FHIT: variants seen among roughly 807,000 people sequenced by gnomAD.
FHIT encodes the protein bis(5'-adenosyl)-triphosphatase.
Under a neutral mutation model 17.9 loss-of-function variants are expected in FHIT, and 19 were observed. The ratio of observed to expected loss-of-function variants is 1.06; its 90% confidence interval spans 0.74 to 1.56. The LOEUF (loss-of-function observed/expected upper bound fraction) is 1.56, where lower values mean the gene tolerates loss of function less well. FHIT is among the 40% of genes most tolerant of loss of function. FHIT has a pLI of 0.00. For synonymous variants in FHIT, 81 were observed against 69.7 expected (o/e 1.16, Z -0.81); for missense variants, 248 against 189.2 (o/e 1.31, Z -1.82).
At chr3:59,813,888 G>C (rs1337805922) in intron 8 of FHIT, among the ~76,000 whole-genome samples, 2 of 152,144 alleles carry the variant, frequency 1.3e-5, no homozygotes, top group African/African-American at 4.8e-5. Context: ...AAGAGTTAAT[G>C]GTGGTTTGGT....
intron 7 of FHIT, among the ~76,000 whole-genome samples, chr3:59,923,309 C>T (rs1013775412): frequency 2.0e-5 from 3 of 148,564 alleles, no homozygotes; most frequent in African/African-American, 5.0e-5. Context: ...TATCAATGTT[C>T]GGTGAGGACA....
intron 3 of FHIT, among the ~76,000 whole-genome samples, chr3:60,858,448 G>A (rs200597789): frequency 0.011 from 1,656 of 152,178 alleles, 31 homozygotes; most frequent in African/African-American, 0.038. Flanking sequence ...CTGAAAACTC[G>A]ATTAAAACAT....
chr3:60,744,253 A>C (rs1449064590), intron 4 of FHIT, among the ~76,000 whole-genome samples: 41 of 72,610 alleles, frequency 5.6e-4, no homozygotes, highest in South Asian at 6.1e-4. Flanking sequence ...ATGTAAAAAA[A>C]AAAACAAAAC....
At chr3:60,205,052 C>T (rs1013651731) in intron 5 of FHIT, among the ~76,000 whole-genome samples, 3 of 150,580 alleles carry the variant, frequency 2.0e-5, no homozygotes, top group South Asian at 2.1e-4. Context: ...GCCAATATCG[C>T]GCCACTGCTC....
chr3:59,786,680 T>TC (rs1302790598), intron 8 of FHIT, among the ~76,000 whole-genome samples: 2 of 152,250 alleles, frequency 1.3e-5, no homozygotes, highest in Admixed American at 6.5e-5. Flanking sequence ...TTCTTTTCCC[T>TC]CCTTTGCAAT....
At chr3:60,167,801 A>G (rs1014023611) in intron 5 of FHIT, among the ~76,000 whole-genome samples, 8 of 152,136 alleles carry the variant, frequency 5.3e-5, no homozygotes, top group Non-Finnish European at 1.0e-4. Flanking sequence ...TTGGGAGGCT[A>G]AGGCAGATCA....
chr3:60,324,738 CA>C (rs1485386742), intron 5 of FHIT, among the ~76,000 whole-genome samples: 1 of 152,050 alleles, frequency 6.6e-6, no homozygotes, highest in East Asian at 1.9e-4. Flanking sequence ...GAAAATTATT[CA>C]TTTGTTTTAC....
At chr3:60,917,282 A>G (rs1161042979) in intron 3 of FHIT, among the ~76,000 whole-genome samples, 1 of 152,166 alleles carries the variant, frequency 6.6e-6, no homozygotes, top group African/African-American at 2.4e-5. Flanking sequence ...ACTACTTCCT[A>G]CTTTGTGTGC....
At chr3:59,954,946 A>G (rs936750209) in intron 7 of FHIT, among the ~76,000 whole-genome samples, 1 of 152,218 alleles carries the variant, frequency 6.6e-6, no homozygotes, top group Non-Finnish European at 1.5e-5. Flanking sequence ...AATTTAAGGA[A>G]CTAAAACAAA....
chr3:61,088,785 T>C (rs548283161), intron 2 of FHIT, among the ~76,000 whole-genome samples: 35 of 152,132 alleles, frequency 2.3e-4, no homozygotes, highest in African/African-American at 8.4e-4. Flanking sequence ...AACTACAAAA[T>C]ACAGTGAATG....
At chr3:59,961,455 G>A (rs79276195) in intron 7 of FHIT, among the ~76,000 whole-genome samples, 15,669 of 152,154 alleles carry the variant, frequency 0.1, 884 homozygotes, top group Middle Eastern at 0.18. Context: ...ATCCACTGAT[G>A]TACGGGTAAA....
At chr3:59,849,363 ACT>A (rs1205254475) in intron 8 of FHIT, among the ~76,000 whole-genome samples, 1 of 151,824 alleles carries the variant, frequency 6.6e-6, no homozygotes, top group Non-Finnish European at 1.5e-5. Context: ...ACAGAATGAG[ACT>A]CTGTCACAGA....
At chr3:59,979,496 C>T (rs936606970) in intron 7 of FHIT, among the ~76,000 whole-genome samples, 1 of 152,080 alleles carries the variant, frequency 6.6e-6, no homozygotes, top group African/African-American at 2.4e-5. Context: ...TTGCAAAACA[C>T]CAGCTATGAG....
At chr3:60,860,824 GAT>G (rs1170216337) in intron 3 of FHIT, among the ~76,000 whole-genome samples, 1,978 of 5,868 alleles carry the variant, frequency 0.34, 753 homozygotes, top group South Asian at 0.88. Flanking sequence ...AGGTATATAT[GAT>G]ACATATGTAC....
intron 7 of FHIT, among the ~76,000 whole-genome samples, chr3:60,004,221 C>T (rs751467188): frequency 6.6e-6 from 1 of 152,130 alleles, no homozygotes; most frequent in Non-Finnish European, 1.5e-5. Flanking sequence ...GTAGAAATTA[C>T]AGGCTCTGAG....
chr3:60,949,050 G>C (rs1390623776), intron 3 of FHIT, among the ~76,000 whole-genome samples: 1 of 152,106 alleles, frequency 6.6e-6, no homozygotes, highest in Non-Finnish European at 1.5e-5. Context: ...GTAGGGGCCA[G>C]CTTCTCAATT....
intron 8 of FHIT, among the ~76,000 whole-genome samples, chr3:59,792,875 G>GT (rs1376490919): frequency 6.8e-6 from 1 of 147,622 alleles, no homozygotes; most frequent in Non-Finnish European, 1.5e-5. Context: ...TATTTTTTGG[G>GT]GGGGGGGGTC....
At chr3:60,754,738 G>A (rs6770159) in intron 4 of FHIT, among the ~76,000 whole-genome samples, 2,186 of 152,046 alleles carry the variant, frequency 0.014, 48 homozygotes, top group African/African-American at 0.049. Flanking sequence ...CTTTGCTGCC[G>A]TAACACAGTT....
chr3:59,962,514 G>A (rs1707734416), intron 7 of FHIT, among the ~76,000 whole-genome samples: 1 of 152,140 alleles, frequency 6.6e-6, no homozygotes. Flanking sequence ...GTGTAGTTTT[G>A]GGAGGGGAGG....
Sources: gnomAD v4.1 joint callset for allele counts (sites outside exome capture counted in the v4.1 genomes callset) on GRCh38, gnomAD v4.1.1 for gene constraint, MANE v1.5 for transcripts, NCBI Gene and HGNC (gene_info 2026-07-23, HGNC 2026-07-21) for gene names.